CD36: variants seen among roughly 807,000 people sequenced by gnomAD.
The protein encoded by CD36 is platelet glycoprotein 4.
In CD36, 119 loss-of-function variants were observed where a neutral mutation model predicts 55.2. The ratio of observed to expected loss-of-function variants is 2.15; its 90% CI spans 1.86 to 2.51. The LOEUF (loss-of-function observed/expected upper bound fraction) is 2.51, where lower values mean the gene tolerates loss of function less well. Among genes scored for constraint, CD36 ranks in the 30% most tolerant of loss-of-function variants. CD36 has a pLI of 0.00. For synonymous variants in CD36, 186 were observed against 193.6 expected (o/e 0.96, Z 0.33); for missense variants, 819 against 555.5 (o/e 1.47, Z -4.77).
chr7:80,673,694 T>C (rs1446436541), intron 13 of CD36: 1 of 558,274 alleles, frequency 1.8e-6, no homozygotes, highest in African/African-American at 1.9e-5. Flanking sequence ...CATGCATTGA[T>C]AGCTATAAAA....
upstream of CD36, among the ~76,000 whole-genome samples, chr7:80,637,534 GA>G (rs544595698): frequency 6.7e-6 from 1 of 149,076 alleles, no homozygotes; most frequent in Non-Finnish European, 1.5e-5. Flanking sequence ...CTTCCCTGGG[GA>G]AAAAAAATTC....
intron 1 of CD36, among the ~76,000 whole-genome samples, chr7:80,615,989 GC>G (rs148953741): frequency 3.2e-3 from 481 of 152,180 alleles, no homozygotes; most frequent in African/African-American, 0.011. Context: ...TGATTTTATA[GC>G]CTTAACAGAT....
chr7:80,670,851 TAAG>T, intron 9 of CD36, 123 bp from the exon 10 acceptor site: 4 of 736,504 alleles, frequency 5.4e-6, no homozygotes, highest in Non-Finnish European at 7.0e-6. Context: ...ACTTTTTTTC[TAAG>T]AATGAAACAA....
intron 8 of CD36, among the ~76,000 whole-genome samples, chr7:80,667,590 A>T (rs1797214152): frequency 6.6e-6 from 1 of 152,080 alleles, no homozygotes; most frequent in Non-Finnish European, 1.5e-5. Flanking sequence ...ACACTTAAGT[A>T]AAAATGAAGT....
chr7:80,649,449 T>C (rs994953401), intron 3 of CD36, among the ~76,000 whole-genome samples: 1 of 151,406 alleles, frequency 6.6e-6, no homozygotes. Flanking sequence ...AATCTGCACA[T>C]TATATAACAA....
intron 3 of CD36, chr7:80,647,141 T>C (rs1795228775): frequency 2.7e-6 from 1 of 363,980 alleles, no homozygotes; most frequent in Admixed American, 3.9e-5. Flanking sequence ...ATAATTGTTT[T>C]AAGTTATGTC....
At chr7:80,656,760 C>A in intron 4 of CD36, 60 bp downstream of exon 4, 1 of 1,449,384 alleles carries the variant, frequency 6.9e-7, no homozygotes, top group Non-Finnish European at 9.7e-7. Context: ...TCTGAGAAGT[C>A]TTCTACTTGG....
At chr7:80,668,434 T>C in intron 8 of CD36, among the ~76,000 whole-genome samples, 1 of 152,208 alleles carries the variant, frequency 6.6e-6, no homozygotes, top group East Asian at 1.9e-4. Flanking sequence ...AGTAAGGTTC[T>C]AATGTGTTTT....
intron 8 of CD36, among the ~76,000 whole-genome samples, chr7:80,667,429 CAAAAAAA>C (rs564416939): frequency 1.5e-4 from 12 of 82,422 alleles, no homozygotes; most frequent in South Asian, 4.5e-4. Flanking sequence ...GACCCTGTCT[CAAAAAAA>C]AAAAAAAAAA....
chr7:80,606,047 T>A (rs1272226941), intron 1 of CD36, among the ~76,000 whole-genome samples: 1 of 152,222 alleles, frequency 6.6e-6, no homozygotes. Flanking sequence ...ACCTGACTCA[T>A]ACATAATAAG....
At chr7:80,669,607 G>A (rs1308256271) in intron 8 of CD36, among the ~76,000 whole-genome samples, 2 of 151,696 alleles carry the variant, frequency 1.3e-5, no homozygotes, top group Non-Finnish European at 2.9e-5. Context: ...CCTGCCTCAG[G>A]ATAGCTGCCT....
At chr7:80,610,879 T>C (rs1792842839) in intron 1 of CD36, among the ~76,000 whole-genome samples, 1 of 151,162 alleles carries the variant, frequency 6.6e-6, no homozygotes, top group Non-Finnish European at 1.5e-5. Context: ...AGCCAGATTT[T>C]TTTATTTTTT....
At chr7:80,605,992 T>A (rs937344964) in intron 1 of CD36, among the ~76,000 whole-genome samples, 1 of 152,204 alleles carries the variant, frequency 6.6e-6, no homozygotes, top group African/African-American at 2.4e-5. Context: ...GTAATGGAGC[T>A]ATTCCATTTG....
At position 80,617,971 on chromosome 7, in the gene CD36, T is replaced by A. The variant is rs372289549; in HGVS notation, c.-184+15592T>A. 3.3e-5 allele frequency among the ~76,000 whole-genome samples: 5 copies of A among 152,178 alleles called. No individual in the cohort carries two copies. The East Asian group carries it at 7.7e-4, about 23-fold the overall frequency. Reference sequence around the variant, plus strand: ...AGGACAGAATTTTATTCCATTTATGTAAAGATGATTACTATTTTCTGTCAT... The same window carrying A: ...AGGACAGAATTTTATTCCATTTATGAAAAGATGATTACTATTTTCTGTCAT... On this transcript the variant is annotated intron_variant, in intron 1 of 13. Transcript: ENST00000309881.
intron 9 of CD36, chr7:80,670,589 A>G (rs1797568700): frequency 3.9e-6 from 1 of 257,344 alleles, no homozygotes; most frequent in Admixed American, 5.1e-5. Context: ...TGTACCAGGT[A>G]TATATCCAGC....
intron 1 of CD36, among the ~76,000 whole-genome samples, chr7:80,611,866 T>A (rs778855524): frequency 6.6e-6 from 1 of 152,326 alleles, no homozygotes; most frequent in East Asian, 1.9e-4. Context: ...AGGGAATGTG[T>A]AGTATCTGTG....
chr7:80,663,693 G>A (rs965005171), intron 6 of CD36, among the ~76,000 whole-genome samples: 1 of 152,056 alleles, frequency 6.6e-6, no homozygotes, highest in African/African-American at 2.4e-5. Context: ...GTCATGAAAT[G>A]GCAGCTTGAA....
intron 1 of CD36, among the ~76,000 whole-genome samples, chr7:80,643,290 A>G (rs1398925809): frequency 6.6e-6 from 1 of 152,192 alleles, no homozygotes; most frequent in East Asian, 1.9e-4. Flanking sequence ...ACATATACCT[A>G]TTCTAACAGC....
intron 1 of CD36, among the ~76,000 whole-genome samples, chr7:80,608,657 T>C (rs2115735736): frequency 1.3e-5 from 2 of 152,240 alleles, no homozygotes; most frequent in South Asian, 4.2e-4. Context: ...TGGCTCAGGA[T>C]CTTGCAGCCA....
Sources: gnomAD v4.1 joint callset for allele counts (sites outside exome capture counted in the v4.1 genomes callset) on GRCh38, gnomAD v4.1.1 for gene constraint, MANE v1.5 for transcripts, NCBI Gene and HGNC (gene_info 2026-07-23, HGNC 2026-07-21) for gene names.